The following PPIP5K2 variants were observed in gnomAD, a reference collection of about 807,000 sequenced individuals.
PPIP5K2 encodes inositol hexakisphosphate and diphosphoinositol-pentakisphosphate kinase 2.
In PPIP5K2, 105 loss-of-function variants were observed where a neutral mutation model predicts 154.6. The ratio of observed to expected loss-of-function variants is 0.68; its 90% CI spans 0.58 to 0.80. The LOEUF is 0.80. Ranked by LOEUF, PPIP5K2 falls within the 30% of genes least tolerant of loss-of-function variation. PPIP5K2 has a pLI of 0.00. For synonymous variants in PPIP5K2, 480 were observed against 490.3 expected, an observed-to-expected ratio of 0.98 and a Z score of 0.28; for missense variants, 992 against 1,504.6, an observed-to-expected ratio of 0.66 and a Z score of 5.64.
Position 103,201,796 on chromosome 5 carries a change from A to G in PPIP5K2, c.*162A>G, listed in dbSNP as rs564335470. ...TTGTCATGATCTGGAAATGTTTAAA[A>G]CAATGTTTGTTAGCATTCTGTGAGC... On this transcript the variant is annotated 3_prime_UTR_variant, in exon 31 of 31. Transcript: ENST00000358359. The G allele has an allele frequency of 1.7e-6, 1 of 584,798 alleles. No individual in the cohort carries two copies. Among genetic ancestry groups the G allele is most frequent in the East Asian group, 3.1e-5 (1 of 32,182 alleles). 36.2% of individuals were successfully genotyped at this position (584,798 alleles called of 1,614,324 possible). A position where few individuals can be genotyped will look rare whatever the true frequency, so the allele number is the denominator to read the frequency against.
chr5:103,185,974 T>G (rs1227189321), intron 26 of PPIP5K2, among the ~76,000 whole-genome samples: 1 of 151,996 alleles, frequency 6.6e-6, no homozygotes, highest in Non-Finnish European at 1.5e-5. Flanking sequence ...TGGAAATTGA[T>G]TAACAGAGTC....
At chr5:103,177,008 A>G in intron 21 of PPIP5K2, 1 of 818,176 alleles carries the variant, frequency 1.2e-6, no homozygotes, top group East Asian at 2.9e-5. Flanking sequence ...TATTGCATAC[A>G]TGAACTATAT....
chr5:103,151,144 A>G, intron 8 of PPIP5K2, 109 bp from the exon 9 acceptor site: 1 of 848,470 alleles, frequency 1.2e-6, no homozygotes. Flanking sequence ...ACTATATAGT[A>G]ATATACTTTT....
chr5:103,129,651 A>G lies in PPIP5K2; in HGVS notation c.62A>G (p.Tyr21Cys), dbSNP rs782421705. Residue 21 changes from tyrosine to cysteine, a missense_variant, in exon 2 of 31, where the codon TAT becomes TGT. Physicochemically the swap from Tyr to Cys is radical, Grantham distance 194. Coordinates refer to ENST00000358359, the MANE Select transcript of PPIP5K2 (RefSeq NM_001276277.3). ...GATACAGAAATAAATCCTGGAAATT[A>G]TCGACATTTCTTCCACCATGCAGAT... is the stretch of plus-strand genomic sequence containing the variant. ...PEDTEINPGN[Y>C]RHFFHHADED... is the part of the protein sequence containing the mutation. The G allele has an allele frequency of 2.5e-6, 4 of 1,609,738 alleles. No homozygotes were observed. The African/African-American group carries it at 4.0e-5, about 16-fold the overall frequency.
intron 17 of PPIP5K2, among the ~76,000 whole-genome samples, chr5:103,161,756 G>T (rs1294934542): frequency 6.6e-6 from 1 of 152,182 alleles, no homozygotes; most frequent in Non-Finnish European, 1.5e-5. Flanking sequence ...GTCTTCTTTT[G>T]AGAAGTGTCT....
At chr5:103,160,243 C>T (rs1203156537) in intron 17 of PPIP5K2, among the ~76,000 whole-genome samples, 1 of 152,134 alleles carries the variant, frequency 6.6e-6, no homozygotes, top group African/African-American at 2.4e-5. Context: ...ATGCAAATAT[C>T]TCCTTGATAT....
chr5:103,169,315 A>G (rs539251817), intron 19 of PPIP5K2, among the ~76,000 whole-genome samples: 33 of 151,880 alleles, frequency 2.2e-4, no homozygotes, highest in Middle Eastern at 6.8e-3. Context: ...AGGTATTCCA[A>G]CCGTGGACTA....
At chr5:103,181,542 A>G (rs1234814183) in intron 24 of PPIP5K2, among the ~76,000 whole-genome samples, 1 of 152,092 alleles carries the variant, frequency 6.6e-6, no homozygotes, top group Admixed American at 6.6e-5. Flanking sequence ...ACTGCACTGC[A>G]GCCTGGGCAA....
intron 17 of PPIP5K2, among the ~76,000 whole-genome samples, chr5:103,160,857 G>A (rs1165983768): frequency 2.6e-5 from 4 of 151,750 alleles, no homozygotes; most frequent in Non-Finnish European, 5.9e-5. Flanking sequence ...TTTCTCTTGG[G>A]TATATTGTAG....
At chr5:103,201,082 C>T (rs1554230123) in intron 30 of PPIP5K2, among the ~76,000 whole-genome samples, 1 of 152,126 alleles carries the variant, frequency 6.6e-6, no homozygotes, top group African/African-American at 2.4e-5. Flanking sequence ...GAAATAGATG[C>T]TTGTAGAGAA....
intron 5 of PPIP5K2, among the ~76,000 whole-genome samples, chr5:103,142,165 C>G (rs1358193699): frequency 6.6e-6 from 1 of 152,236 alleles, no homozygotes; most frequent in Non-Finnish European, 1.5e-5. Context: ...GCTGCAGGTC[C>G]CGAGCCCTGC....
At chr5:103,172,934 T>C (rs1218303531) in intron 19 of PPIP5K2, among the ~76,000 whole-genome samples, 1 of 151,866 alleles carries the variant, frequency 6.6e-6, no homozygotes, top group African/African-American at 2.4e-5. Flanking sequence ...CTTCAGAAAT[T>C]ACTGGCTTTT....
chr5:103,182,283 A>G (rs1799664520), intron 24 of PPIP5K2, among the ~76,000 whole-genome samples: 1 of 152,182 alleles, frequency 6.6e-6, no homozygotes. Flanking sequence ...CAACTCATCT[A>G]TATTTATAAA....
At position 103,173,943 on chromosome 5, in the gene PPIP5K2, T is replaced by A; in HGVS notation, c.2500T>A (p.Ser834Thr). The A allele has an allele frequency of 6.2e-7, 1 of 1,604,530 alleles. No individual in the cohort carries two copies. Among genetic ancestry groups the A allele is most frequent in the Non-Finnish European group, 8.5e-7 (1 of 1,172,338 alleles). Residue 834 changes from serine to threonine, a missense_variant, in exon 21 of 31, where the codon TCT becomes ACT. This residue lies in a region of PPIP5K2 where 157 missense variants were observed against 281.2 expected (regional missense o/e 0.56). Transcript: ENST00000358359. ...TGAAAGTCATGTACATTCTTTGCTG[T>A]CTATTCTTCGCTATGGTGCCTTATG... is the stretch of plus-strand genomic sequence containing the variant. The part of the protein sequence containing the change: ...TSESHVHSLL[S>T]ILRYGALCNE...
chr5:103,184,816 T>G, intron 26 of PPIP5K2, 72 bp downstream of exon 26: 1 of 1,212,522 alleles, frequency 8.2e-7, no homozygotes, highest in East Asian at 2.4e-5. Flanking sequence ...GTAAAACTCT[T>G]TGGTGAAAGC....
rs1210432748 is a variant in PPIP5K2 at position 103,205,070 on chromosome 5, A to C, written c.*3436A>C. The C allele has an allele frequency of 1.3e-5, 2 of 151,054 alleles. No individual in the cohort carries two copies. Among genetic ancestry groups the C allele is most frequent in the Admixed American group, 1.3e-4 (2 of 15,186 alleles). 9.4% of individuals were successfully genotyped at this position (151,054 alleles called of 1,614,324 possible). On this transcript the variant is annotated 3_prime_UTR_variant, in exon 31 of 31. Coordinates refer to ENST00000358359, the MANE Select transcript of PPIP5K2 (RefSeq NM_001276277.3). ...CGCCCTGTGTCCAAGTACTGTTCTCATTGTTCAGTTCCCTCTTATGAGTGA... is the reference window on the plus strand; with the variant it reads ...CGCCCTGTGTCCAAGTACTGTTCTCCTTGTTCAGTTCCCTCTTATGAGTGA...
chr5:103,176,995 C>G (rs1798825008), intron 21 of PPIP5K2: 1 of 994,460 alleles, frequency 1.0e-6, no homozygotes, highest in African/African-American at 1.6e-5. Flanking sequence ...GTTGATAGGC[C>G]TATATTGCAT....
At chr5:103,196,177 C>G (rs973202857) in intron 30 of PPIP5K2, among the ~76,000 whole-genome samples, 5 of 152,064 alleles carry the variant, frequency 3.3e-5, no homozygotes, top group African/African-American at 7.2e-5. Context: ...AAAATGTTTT[C>G]CCTTTTACCT....
chr5:103,122,207 A>C (rs1250025531), intron 1 of PPIP5K2, among the ~76,000 whole-genome samples: 2 of 152,210 alleles, frequency 1.3e-5, no homozygotes, highest in Non-Finnish European at 2.9e-5. Flanking sequence ...AATATTTGAA[A>C]TTTTTCATAA....
Sources: gnomAD v4.1 joint callset for allele counts (sites outside exome capture counted in the v4.1 genomes callset) on GRCh38, gnomAD v4.1.1 for gene constraint, gnomAD v4.1.1 regional missense constraint, MANE v1.5 for transcripts, NCBI Gene and HGNC (gene_info 2026-07-23, HGNC 2026-07-21) for gene names.